JAZF1: variants seen among roughly 807,000 people sequenced by gnomAD.
The protein encoded by JAZF1 is juxtaposed with another zinc finger protein 1.
Under a neutral mutation model 26.4 loss-of-function variants are expected in JAZF1, and 8 were observed. That is an observed-to-expected ratio of 0.30 (90% CI 0.18 to 0.55). The LOEUF is 0.55. JAZF1 is among the 20% of genes least tolerant of loss of function. The pLI, the probability that JAZF1 is intolerant of heterozygous loss-of-function variation, is 0.94. For missense variants in JAZF1, 199 were observed against 322.0 expected (o/e 0.62, Z 2.92); for synonymous variants, 126 against 122.3 (o/e 1.03, Z -0.20).
At chr7:27,888,439 T>C (rs1783908553) in intron 3 of JAZF1, among the ~76,000 whole-genome samples, 1 of 151,722 alleles carries the variant, frequency 6.6e-6, no homozygotes, top group Admixed American at 6.6e-5. Context: ...ACTAAGCCTA[T>C]TTAAGTTTAT....
Position 27,928,650 on chromosome 7 carries a change from A to G in JAZF1, c.189-33234T>C, listed in dbSNP as rs138773580. ...TCTAACAGAGCAAGCACATGGATGG[A>G]GCTGGAGGCCATTATCTTCAGCAAA... On this transcript the variant is annotated intron_variant, in intron 2 of 4. Coordinates refer to ENST00000283928, the MANE Select transcript of JAZF1 (RefSeq NM_175061.4). 6.2e-4 allele frequency among the ~76,000 whole-genome samples: 95 copies of G among 152,310 alleles called. 3 individuals are homozygous for G. The East Asian group carries it at 0.016, about 26-fold the overall frequency.
chr7:27,922,108 A>G (rs1333988147), intron 2 of JAZF1, among the ~76,000 whole-genome samples: 1 of 152,240 alleles, frequency 6.6e-6, no homozygotes, highest in Admixed American at 6.5e-5. Context: ...TTTGGATGAA[A>G]TGGATATAAA....
rs546039114 is a variant in JAZF1, at chr7:27,875,275, C to T, written c.385+19945G>A. 7.2e-5 allele frequency among the ~76,000 whole-genome samples: 11 copies of T among 152,308 alleles called. No homozygotes were observed. The South Asian group carries it at 2.1e-3, about 29-fold the overall frequency. ...AAACATTCCGAGTTCATCCGCACTTCCCTGCTCTGTGATCCTCGTCCCAGC... is the reference window on the plus strand; with the variant it reads ...AAACATTCCGAGTTCATCCGCACTTTCCTGCTCTGTGATCCTCGTCCCAGC... On this transcript the variant is annotated intron_variant, in intron 3 of 4. Coordinates refer to ENST00000283928, the MANE Select transcript of JAZF1 (RefSeq NM_175061.4).
intron 2 of JAZF1, among the ~76,000 whole-genome samples, chr7:27,934,165 T>C (rs1784728887): frequency 6.6e-6 from 1 of 152,190 alleles, no homozygotes; most frequent in Non-Finnish European, 1.5e-5. Flanking sequence ...AGGGTGCACA[T>C]TCAAAATAAC....
chr7:27,859,422 C>T (rs182933557), intron 3 of JAZF1, among the ~76,000 whole-genome samples: 3 of 152,336 alleles, frequency 2.0e-5, no homozygotes, highest in Non-Finnish European at 2.9e-5. Context: ...GACACATGCA[C>T]ATGTATGTTT....
At chr7:28,089,550 G>A (rs1157708102) in intron 1 of JAZF1, among the ~76,000 whole-genome samples, 1 of 152,224 alleles carries the variant, frequency 6.6e-6, no homozygotes, top group Non-Finnish European at 1.5e-5. Context: ...GAAGGTACAT[G>A]CTAGAAAATG....
chr7:27,914,093 G>C (rs1327481288), intron 2 of JAZF1, among the ~76,000 whole-genome samples: 1 of 152,188 alleles, frequency 6.6e-6, no homozygotes, highest in Non-Finnish European at 1.5e-5. Context: ...ACAGGGGCAG[G>C]AGAAACAAAA....
chr7:27,916,844 A>G (rs1488230548), intron 2 of JAZF1, among the ~76,000 whole-genome samples: 1 of 152,260 alleles, frequency 6.6e-6, no homozygotes, highest in Non-Finnish European at 1.5e-5. Flanking sequence ...CGCTCTGTCC[A>G]TGTCGGTGAG....
chr7:27,895,926 T>C (rs529060725), intron 2 of JAZF1, among the ~76,000 whole-genome samples: 2 of 152,304 alleles, frequency 1.3e-5, no homozygotes, highest in East Asian at 3.9e-4. Flanking sequence ...TCTCATATTG[T>C]TATTTGGGTT....
chr7:28,045,927 G>A (rs1343701618), intron 1 of JAZF1, among the ~76,000 whole-genome samples: 1 of 152,092 alleles, frequency 6.6e-6, no homozygotes, highest in Non-Finnish European at 1.5e-5. Flanking sequence ...TTACAAAATA[G>A]CATTTGCAAA....
intron 2 of JAZF1, among the ~76,000 whole-genome samples, chr7:27,904,465 T>C (rs10486564): frequency 0.063 from 9,547 of 152,258 alleles, 795 homozygotes; most frequent in East Asian, 0.31. Context: ...ATGGCCTTTT[T>C]TGGTGATCTG....
chr7:28,090,347 C>T (rs1784274546), intron 1 of JAZF1, among the ~76,000 whole-genome samples: 1 of 152,176 alleles, frequency 6.6e-6, no homozygotes, highest in Admixed American at 6.5e-5. Context: ...TGCTAATATC[C>T]AGTCAAACTG....
chr7:27,946,677 C>T (rs1784929201), intron 2 of JAZF1, among the ~76,000 whole-genome samples: 1 of 152,134 alleles, frequency 6.6e-6, no homozygotes, highest in African/African-American at 2.4e-5. Context: ...TGCAGAAGGA[C>T]CATAAGTGGG....
At chr7:27,855,909 A>G (rs1188211312) in intron 3 of JAZF1, among the ~76,000 whole-genome samples, 1 of 152,212 alleles carries the variant, frequency 6.6e-6, no homozygotes, top group Non-Finnish European at 1.5e-5. Context: ...AGACACAACA[A>G]AAAAAGAAAA....
chr7:28,124,836 A>G (rs1782669768), intron 1 of JAZF1, among the ~76,000 whole-genome samples: 1 of 152,158 alleles, frequency 6.6e-6, no homozygotes, highest in Non-Finnish European at 1.5e-5. Context: ...ACAAAATGCT[A>G]AACTGTACAA....
chr7:27,928,622 C>T (rs956430538), intron 2 of JAZF1, among the ~76,000 whole-genome samples: 3 of 152,170 alleles, frequency 2.0e-5, no homozygotes, highest in Non-Finnish European at 4.4e-5. Context: ...TGAGTTACAG[C>T]CTTCTAACAG....
chr7:27,864,721 A>G (rs150129070), intron 3 of JAZF1, among the ~76,000 whole-genome samples: 106 of 152,324 alleles, frequency 7.0e-4, no homozygotes, highest in African/African-American at 2.4e-3. Context: ...CATTTTTAGG[A>G]AAAACTGAGC....
intron 2 of JAZF1, among the ~76,000 whole-genome samples, chr7:27,959,914 AAT>A (rs1177998112): frequency 8.7e-5 from 11 of 127,118 alleles, no homozygotes; most frequent in African/African-American, 2.7e-4. Flanking sequence ...AAAAAAAAAA[AAT>A]GTGCAGATGA....
intron 1 of JAZF1, among the ~76,000 whole-genome samples, chr7:28,128,325 C>T (rs1782732703): frequency 6.6e-6 from 1 of 152,208 alleles, no homozygotes. Context: ...AGTTTGAGAC[C>T]AGCCTGGCCA....
Sources: gnomAD v4.1 joint callset for allele counts (sites outside exome capture counted in the v4.1 genomes callset) on GRCh38, gnomAD v4.1.1 for gene constraint, MANE v1.5 for transcripts, NCBI Gene and HGNC (gene_info 2026-07-23, HGNC 2026-07-21) for gene names.